Variants in IKBKB observed in about 807,000 individuals in gnomAD.
IKBKB encodes the protein inhibitor of nuclear factor kappa-B kinase subunit beta.
A neutral mutation model predicts 113.6 loss-of-function variants in IKBKB; 42 were observed. The observed-to-expected ratio is 0.37, with a 90% CI of 0.29 to 0.48. The LOEUF is 0.48. Among genes scored for constraint, IKBKB ranks in the 20% least tolerant of loss-of-function variants. IKBKB has a pLI of 0.99. For missense variants in IKBKB, 673 were observed against 939.7 expected (o/e 0.72, Z 3.71); for synonymous variants, 296 against 361.3 (o/e 0.82, Z 2.05).
rs1056368664 is a variant in IKBKB at position 42,306,373 on chromosome 8, G to A, written c.508G>A (p.Ala170Thr). Reference sequence around the variant, plus strand: ...ACACAAAATTATTGACCTAGGATATGCCAAGGAGCTGGATCAGGGCAGTCT... The same window carrying A: ...ACACAAAATTATTGACCTAGGATATACCAAGGAGCTGGATCAGGGCAGTCT... ...LIHKIIDLGY[A>T]KELDQGSLCT... Residue 170 changes from alanine (A) to threonine (T), a missense_variant, in exon 7 of 22, where the codon GCC (alanine) becomes ACC (threonine). This residue lies in a region of IKBKB where 167 missense variants were observed against 301.0 expected (regional missense o/e 0.55). Transcript: ENST00000520810. The A allele has an allele frequency of 6.2e-7, 1 of 1,612,772 alleles. No individual in the cohort carries two copies. Among genetic ancestry groups the A allele is most frequent in the Non-Finnish European group, 8.5e-7 (1 of 1,178,952 alleles).
intron 2 of IKBKB, among the ~76,000 whole-genome samples, chr8:42,284,429 A>C (rs1051073809): frequency 6.6e-6 from 1 of 152,058 alleles, no homozygotes; most frequent in African/African-American, 2.4e-5. Context: ...AAAAATACAA[A>C]AAATTAGCCG....
At position 42,331,695 on chromosome 8, in the gene IKBKB, A is replaced by G. The variant is rs201373746; in HGVS notation, c.*716A>G. The G allele has an allele frequency of 4.4e-6, 2 of 458,060 alleles. No homozygotes were observed. The highest frequency in any genetic ancestry group is 8.0e-6 in the Non-Finnish European group (2 of 250,458). The allele number at this position is 458,060 out of a possible 1,614,324, so 28.4% of individuals were successfully genotyped here. On this transcript the variant is annotated 3_prime_UTR_variant, in exon 22 of 22. Transcript: ENST00000520810. ...GTCCTTTCTGCCAAGAGCGACTCAT[A>G]GTAACCAGGATGGGAGAGCAGCTGC...
At chr8:42,318,699 A>T (rs201298739) in intron 13 of IKBKB, 24 bp downstream of exon 13, 17 of 1,570,350 alleles carry the variant, frequency 1.1e-5, no homozygotes, top group East Asian at 2.3e-5. Context: ...CTTTTTTTTT[A>T]AACTTAATTT....
Position 42,321,915 on chromosome 8 carries a change from C to A in IKBKB, c.1708C>A (p.Leu570Met), listed in dbSNP as rs1819852505. ...LDDLEEQARELYRRLREKPRD... is the reference protein window; with the variant it reads ...LDDLEEQAREMYRRLREKPRD... ...TTTTAGAGAGGAGCAAGCAAGGGAGCTGTACAGGAGACTAAGGGAAAAACC... is the reference window on the plus strand; with the variant it reads ...TTTTAGAGAGGAGCAAGCAAGGGAGATGTACAGGAGACTAAGGGAAAAACC... The change falls in exon 17 of 22, where the codon CTG becomes ATG. Residue 570 changes from leucine to methionine, a missense_variant. Transcript: ENST00000520810. 2.5e-6 allele frequency: 4 copies of A among 1,612,002 alleles called. No individual in the cohort carries two copies. Among genetic ancestry groups the A allele is most frequent in the Non-Finnish European group, 3.4e-6 (4 of 1,178,966 alleles).
intron 19 of IKBKB, chr8:42,325,713 C>A: frequency 8.1e-7 from 1 of 1,239,358 alleles, no homozygotes; most frequent in Non-Finnish European, 1.0e-6. Flanking sequence ...AATAAAAAAG[C>A]CTGCAAATTA....
chr8:42,288,819 C>T (rs1228814153), intron 3 of IKBKB, 91 bp downstream of exon 3: 1 of 1,029,082 alleles, frequency 9.7e-7, no homozygotes, highest in Non-Finnish European at 1.4e-6. Context: ...GTGCGTGGCT[C>T]ACGCCTGTAA....
chr8:42,311,730 C>T (rs1017759613), intron 8 of IKBKB, among the ~76,000 whole-genome samples: 4 of 152,100 alleles, frequency 2.6e-5, no homozygotes, highest in South Asian at 2.1e-4. Context: ...AAGTATGCCC[C>T]ACTATGGTGA....
At chr8:42,295,739 T>A (rs1176744459) in intron 5 of IKBKB, among the ~76,000 whole-genome samples, 1 of 151,782 alleles carries the variant, frequency 6.6e-6, no homozygotes, top group Non-Finnish European at 1.5e-5. Context: ...AAAAAAAAAA[T>A]TATTGGCACA....
chr8:42,281,812 G>A (rs1412347510), intron 2 of IKBKB, among the ~76,000 whole-genome samples: 1 of 152,196 alleles, frequency 6.6e-6, no homozygotes, highest in African/African-American at 2.4e-5. Flanking sequence ...CAGTGGCCTG[G>A]TTGGATGCTT....
rs773447231 is a variant in IKBKB, at chr8:42,306,300, T to C, written c.478-43T>C. On this transcript the variant is annotated intron_variant, in intron 6 of 21. Coordinates refer to ENST00000520810, the MANE Select transcript of IKBKB (RefSeq NM_001556.3). Reference sequence around the variant, plus strand: ...AGTCAGAATCCTCGTAGAAGGACATTGTGTTCTTATAACCCTCAGCTTTCT... The same window carrying C: ...AGTCAGAATCCTCGTAGAAGGACATCGTGTTCTTATAACCCTCAGCTTTCT... The C allele has an allele frequency of 2.5e-5, 30 of 1,209,118 alleles. No individual in the cohort carries two copies. In the Admixed American group the frequency reaches 3.2e-4, roughly 13 times the overall value. The allele number at this position is 1,209,118 out of a possible 1,614,324, so 74.9% of individuals were successfully genotyped here.
At chr8:42,329,629 A>T in intron 21 of IKBKB, 2 of 984,866 alleles carry the variant, frequency 2.0e-6, no homozygotes, top group South Asian at 9.4e-5. Context: ...AATTCCGATG[A>T]TGAGGAAGAA....
intron 5 of IKBKB, among the ~76,000 whole-genome samples, chr8:42,302,532 G>A (rs928901325): frequency 2.0e-5 from 3 of 152,130 alleles, no homozygotes; most frequent in African/African-American, 7.2e-5. Context: ...CTAAAGGGCT[G>A]TAAAATCTGA....
At position 42,327,825 on chromosome 8, in the gene IKBKB, ACG is replaced by A. The variant is rs1821085577; in HGVS notation, c.2115-1298_2115-1297del. Among the ~76,000 whole-genome samples the A allele has an allele frequency of 3.4e-3, 4 of 1,190 alleles. 2 individuals are homozygous for A. The highest frequency in any genetic ancestry group is 7.5e-3 in the Non-Finnish European group (2 of 268). 0.8% of individuals were successfully genotyped at this position (1,190 alleles called of 152,430 possible). Reference sequence around the variant, plus strand: ...TTTTGTATTTTTTTTTTTTTTTGAGACGGAGTCTCGCTCTGTTGCCCAGGCCG... The same window carrying A: ...TTTTGTATTTTTTTTTTTTTTTGAGAGAGTCTCGCTCTGTTGCCCAGGCCG... On this transcript the variant is annotated intron_variant, in intron 20 of 21. Transcript: ENST00000520810.
rs192611316 is a variant in IKBKB, at chr8:42,307,865, G to A, written c.568-1036G>A. Among the ~76,000 whole-genome samples, 21 of 152,210 alleles carry A rather than the reference G, an allele frequency of 1.4e-4. No homozygotes were observed. The East Asian group carries it at 3.9e-3, about 28-fold the overall frequency. On this transcript the variant is annotated intron_variant, in intron 7 of 21. Transcript: ENST00000520810. ...ATGTCTTCTCTTGGTTTGGTCTCCC[G>A]GGCCCTTCCTTAAGCTTCACATTTC...
chr8:42,315,474 C>T (rs1346828343), intron 9 of IKBKB, among the ~76,000 whole-genome samples: 1 of 152,032 alleles, frequency 6.6e-6, no homozygotes, highest in African/African-American at 2.4e-5. Context: ...GCTGTGTTGG[C>T]CTCAGGGAAG....
At chr8:42,317,796 T>C (rs776436432) in intron 12 of IKBKB, 25 bp downstream of exon 12, 2 of 1,495,466 alleles carry the variant, frequency 1.3e-6, no homozygotes, top group Non-Finnish European at 1.9e-6. Flanking sequence ...TGTTTTGTTT[T>C]TCTAAATAAT....
intron 2 of IKBKB, 84 bp downstream of exon 2, chr8:42,272,289 A>G: frequency 6.3e-7 from 1 of 1,588,040 alleles, no homozygotes; most frequent in Non-Finnish European, 8.6e-7. Context: ...CTGCTGGGCC[A>G]AGGGCTCACC....
At chr8:42,292,255 G>C (rs569286728) in intron 4 of IKBKB, among the ~76,000 whole-genome samples, 41 of 152,374 alleles carry the variant, frequency 2.7e-4, no homozygotes, top group African/African-American at 9.6e-4. Flanking sequence ...GATGTGGCCA[G>C]ATTACAGAGG....
chr8:42,284,499 G>A (rs1018063547), intron 2 of IKBKB, among the ~76,000 whole-genome samples: 11 of 151,624 alleles, frequency 7.3e-5, no homozygotes, highest in African/African-American at 2.4e-4. Flanking sequence ...GGAGAATGGC[G>A]TGAACCCGGG....
Sources: gnomAD v4.1 joint callset for allele counts (sites outside exome capture counted in the v4.1 genomes callset) on GRCh38, gnomAD v4.1.1 for gene constraint, gnomAD v4.1.1 regional missense constraint, MANE v1.5 for transcripts, NCBI Gene and HGNC (gene_info 2026-07-23, HGNC 2026-07-21) for gene names.